Variants in RPS6KC1 observed in about 807,000 individuals in gnomAD.
The protein encoded by RPS6KC1 is ribosomal protein S6 kinase C1, also known as inactive ribosomal protein S6 kinase delta-1.
Under a neutral mutation model 103.8 loss-of-function variants are expected in RPS6KC1, and 54 were observed. The observed-to-expected ratio is 0.52, with a 90% CI of 0.42 to 0.65. The LOEUF (loss-of-function observed/expected upper bound fraction) is 0.65. Among genes scored for constraint, RPS6KC1 ranks in the 30% least tolerant of loss-of-function variants. The pLI is 0.00. For missense variants in RPS6KC1, 1,151 were observed against 1,253.8 expected, an observed-to-expected ratio of 0.92 and a Z score of 1.24; for synonymous variants, 439 against 438.7, an observed-to-expected ratio of 1.00 and a Z score of -0.01.
chr1:213,577,638 G>A, the RPS6KC1 span, among the ~76,000 whole-genome samples: 6 of 152,184 alleles, frequency 3.9e-5, no homozygotes, highest in Non-Finnish European at 8.8e-5. Flanking sequence ...GGGCAAAGGT[G>A]ACTGGTGACA....
the RPS6KC1 span, among the ~76,000 whole-genome samples, chr1:213,376,290 C>T: frequency 6.6e-6 from 1 of 152,086 alleles, no homozygotes; most frequent in African/African-American, 2.4e-5. Context: ...ATTAGCATTT[C>T]CCTAGTCCCT....
chr1:213,249,268 T>C (rs553718089), intron 12 of RPS6KC1, among the ~76,000 whole-genome samples: 3 of 152,232 alleles, frequency 2.0e-5, no homozygotes, highest in Non-Finnish European at 4.4e-5. Flanking sequence ...TTAAACATTA[T>C]ATACCAGAGC....
At chr1:213,164,132 C>T (rs751053976) in intron 6 of RPS6KC1, among the ~76,000 whole-genome samples, 10 of 152,204 alleles carry the variant, frequency 6.6e-5, no homozygotes, top group East Asian at 1.9e-4. Flanking sequence ...AGACATTTCA[C>T]ATTCCTCAGA....
At chr1:213,740,703 C>CTCTCAGATATATGTACACATATAT in the RPS6KC1 span, among the ~76,000 whole-genome samples, 2 of 81,926 alleles carry the variant, frequency 2.4e-5, no homozygotes, top group Non-Finnish European at 5.2e-5. Context: ...CACATATATA[C>CTCTCAGATATATGTACACATATAT]ATCTCAGATA....
the RPS6KC1 span, among the ~76,000 whole-genome samples, chr1:213,850,750 A>G: frequency 2.0e-5 from 3 of 149,176 alleles, no homozygotes; most frequent in Non-Finnish European, 3.0e-5. Context: ...ATCTTTGGAC[A>G]CTGGTGATTC....
chr1:213,175,821 G>A (rs906432604), intron 7 of RPS6KC1, among the ~76,000 whole-genome samples: 1 of 152,066 alleles, frequency 6.6e-6, no homozygotes, highest in Admixed American at 6.6e-5. Flanking sequence ...ATATGATGAA[G>A]CTTCTTAATT....
intron 9 of RPS6KC1, among the ~76,000 whole-genome samples, chr1:213,231,890 C>T (rs1056378270): frequency 2.0e-5 from 3 of 152,164 alleles, no homozygotes; most frequent in Admixed American, 6.5e-5. Flanking sequence ...CACTGACCCA[C>T]GTAATTGATT....
At chr1:213,648,101 A>G in the RPS6KC1 span, among the ~76,000 whole-genome samples, 1 of 152,140 alleles carries the variant, frequency 6.6e-6, no homozygotes, top group Non-Finnish European at 1.5e-5. Flanking sequence ...TTTTTTTTCT[A>G]TATGACAAGT....
the RPS6KC1 span, among the ~76,000 whole-genome samples, chr1:213,287,447 A>G: frequency 1.3e-5 from 2 of 152,192 alleles, no homozygotes; most frequent in Non-Finnish European, 1.5e-5. Context: ...ATAAATCTAC[A>G]ATGCCTAGGA....
At chr1:213,652,850 C>A in the RPS6KC1 span, among the ~76,000 whole-genome samples, 1 of 152,168 alleles carries the variant, frequency 6.6e-6, no homozygotes, top group African/African-American at 2.4e-5. Context: ...GCAGGGAGAC[C>A]AGCCAGCCAA....
the RPS6KC1 span, among the ~76,000 whole-genome samples, chr1:213,653,179 CTG>C: frequency 6.6e-6 from 1 of 152,194 alleles, no homozygotes; most frequent in Admixed American, 6.5e-5. Context: ...GCATTCTAGT[CTG>C]GGTGCAGTGG....
intron 8 of RPS6KC1, among the ~76,000 whole-genome samples, chr1:213,192,291 T>C (rs1013682220): frequency 1.3e-5 from 2 of 152,228 alleles, no homozygotes; most frequent in African/African-American, 4.8e-5. Context: ...GCTTTGGTAG[T>C]ATTTTGTTGA....
At chr1:213,402,519 G>A in the RPS6KC1 span, among the ~76,000 whole-genome samples, 1 of 152,236 alleles carries the variant, frequency 6.6e-6, no homozygotes, top group African/African-American at 2.4e-5. Flanking sequence ...AAATGACTCT[G>A]GGAATAATGA....
chr1:213,080,756 G>A (rs548316114), intron 3 of RPS6KC1, among the ~76,000 whole-genome samples: 5 of 152,188 alleles, frequency 3.3e-5, no homozygotes, highest in African/African-American at 1.2e-4. Flanking sequence ...GTAGCAACAT[G>A]TTTTCACCAT....
At chr1:213,127,311 G>GT (rs1409341975) in intron 5 of RPS6KC1, among the ~76,000 whole-genome samples, 1 of 152,146 alleles carries the variant, frequency 6.6e-6, no homozygotes, top group Non-Finnish European at 1.5e-5. Flanking sequence ...TCACCAAACC[G>GT]TAACAGTACT....
chr1:213,539,723 TGATCGGGGCAAAATGATTAAGA>T, the RPS6KC1 span, among the ~76,000 whole-genome samples: 6,893 of 152,246 alleles, frequency 0.045, 507 homozygotes, highest in African/African-American at 0.16. Flanking sequence ...TTGGTTAAAA[TGATCGGGGCAAAATGATTAAGA>T]GATCCGAGTT....
Position 213,273,486 on chromosome 1 carries a change from ACCCT to A in RPS6KC1, c.*856_*859del, listed in dbSNP as rs2095087175. On this transcript the variant is annotated 3_prime_UTR_variant, in exon 15 of 15. Coordinates refer to ENST00000366960, the MANE Select transcript of RPS6KC1 (RefSeq NM_012424.6). The stretch of plus-strand genomic sequence containing the variant: ...CATTAGATCTCTTCTTCATTTAATA[ACCCT>A]CCCCCCTTTTTTTCCTTGAAGAAAT... The A allele has an allele frequency of 6.6e-6, 1 of 152,074 alleles. No individual in the cohort carries two copies. Among genetic ancestry groups the A allele is most frequent in the African/African-American group, 2.4e-5 (1 of 41,220 alleles). 9.4% of individuals were successfully genotyped at this position (152,074 alleles called of 1,614,324 possible).
intron 4 of RPS6KC1, among the ~76,000 whole-genome samples, chr1:213,115,069 A>C (rs2083441948): frequency 6.6e-6 from 1 of 152,240 alleles, no homozygotes; most frequent in Non-Finnish European, 1.5e-5. Flanking sequence ...TGGCATCATA[A>C]AATGAGTTAG....
rs532780756 is a variant in RPS6KC1 at position 213,127,723 on chromosome 1, C to T, written c.473-1804C>T. ...ATTCAAAATTAGGATTTTCAGATAACCTCTGTCTGCCACTTTGGGTTTGAC... is the reference window on the plus strand; with the variant it reads ...ATTCAAAATTAGGATTTTCAGATAATCTCTGTCTGCCACTTTGGGTTTGAC... On this transcript the variant is annotated intron_variant, in intron 5 of 14. Transcript: ENST00000366960. 5.9e-5 allele frequency among the ~76,000 whole-genome samples: 9 copies of T among 152,282 alleles called. No homozygotes were observed. In the East Asian group the frequency reaches 1.7e-3, roughly 29 times the overall value.
Sources: allele counts gnomAD v4.1 joint callset (sites outside exome capture counted in the v4.1 genomes callset), GRCh38; gene constraint gnomAD v4.1.1; transcripts MANE v1.5; gene names NCBI Gene and HGNC (gene_info 2026-07-23, HGNC 2026-07-21).